Variants in MAP2K1 observed in about 807,000 individuals in gnomAD.
MAP2K1 encodes the protein dual specificity mitogen-activated protein kinase kinase 1.
Under a neutral mutation model 46.3 loss-of-function variants are expected in MAP2K1, and 16 were observed. The observed-to-expected ratio is 0.35, with a 90% CI of 0.23 to 0.52. MAP2K1 has a LOEUF of 0.52. Among genes scored for constraint, MAP2K1 ranks in the 20% least tolerant of loss-of-function variants. MAP2K1 has a pLI of 0.94. For synonymous variants in MAP2K1, 183 were observed against 185.6 expected, an observed-to-expected ratio of 0.99 and a Z score of 0.11; for missense variants, 263 against 497.1, an observed-to-expected ratio of 0.53 and a Z score of 4.48.
intron 3 of MAP2K1, among the ~76,000 whole-genome samples, chr15:66,441,448 A>C (rs1205847604): frequency 6.6e-6 from 1 of 151,794 alleles, no homozygotes; most frequent in East Asian, 2.0e-4. Context: ...AGGCAGGAGA[A>C]TTGCTTGAGC....
At chr15:66,431,001 T>G (rs547368876) in intron 1 of MAP2K1, among the ~76,000 whole-genome samples, 2 of 152,338 alleles carry the variant, frequency 1.3e-5, no homozygotes, top group African/African-American at 4.8e-5. Context: ...GAATTCACAT[T>G]ACAGTGTGTG....
At chr15:66,425,461 T>G (rs748725596) in intron 1 of MAP2K1, among the ~76,000 whole-genome samples, 2 of 152,228 alleles carry the variant, frequency 1.3e-5, no homozygotes, top group Non-Finnish European at 2.9e-5. Context: ...CTTCACTTGC[T>G]GACAGATGTG....
chr15:66,409,554 T>TAGGAAAGATGGCC (rs1436322856), intron 1 of MAP2K1, among the ~76,000 whole-genome samples: 1 of 152,178 alleles, frequency 6.6e-6, no homozygotes, highest in Non-Finnish European at 1.5e-5. Context: ...GGGACTAGGA[T>TAGGAAAGATGGCC]AGGACAGATG....
chr15:66,394,179 T>C (rs1414973969), intron 1 of MAP2K1, among the ~76,000 whole-genome samples: 3 of 152,236 alleles, frequency 2.0e-5, no homozygotes, highest in Non-Finnish European at 4.4e-5. Context: ...CTTTGAAGGC[T>C]ATAAGGTGCC....
At chr15:66,439,293 A>G (rs1027767546) in intron 3 of MAP2K1, among the ~76,000 whole-genome samples, 1 of 152,192 alleles carries the variant, frequency 6.6e-6, no homozygotes, top group South Asian at 2.1e-4. Flanking sequence ...CAGTCTTTGC[A>G]TGAGTTTTGT....
Position 66,461,163 on chromosome 15 carries a change from T to C in MAP2K1, c.568+16456T>C, listed in dbSNP as rs555070348. On this transcript the variant is annotated intron_variant, in intron 5 of 10. Coordinates refer to ENST00000307102, the MANE Select transcript of MAP2K1 (RefSeq NM_002755.4). ...TTATTAACCACTACCCAAAGCAAGA[T>C]GGAACTTAGCTCATGATGCCCAACA... 3.3e-5 allele frequency among the ~76,000 whole-genome samples: 5 copies of C among 152,162 alleles called. No individual in the cohort carries two copies. The East Asian group carries it at 9.7e-4, about 29-fold the overall frequency.
At chr15:66,472,024 C>T (rs895455339) in intron 5 of MAP2K1, among the ~76,000 whole-genome samples, 10 of 134,292 alleles carry the variant, frequency 7.4e-5, no homozygotes, top group Non-Finnish European at 1.5e-4. Flanking sequence ...TTGCAGTGAG[C>T]TGAGATCGCG....
intron 5 of MAP2K1, among the ~76,000 whole-genome samples, chr15:66,479,081 CT>C (rs1892852931): frequency 6.6e-6 from 1 of 151,258 alleles, no homozygotes; most frequent in African/African-American, 2.4e-5. Context: ...TGCTGGATCT[CT>C]TGGGCCTTAG....
rs2140673570 is a variant in MAP2K1, at chr15:66,484,975, C to T, written c.694-15C>T. ...AGTTAGGTTAGGTGATTATCACTGT[C>T]TGTCTCTCCTGCAGCCAGAAAGACT... On this transcript the variant is annotated splice_polypyrimidine_tract_variant and intron_variant, in intron 6 of 10. Coordinates refer to ENST00000307102, the MANE Select transcript of MAP2K1 (RefSeq NM_002755.4). The T allele has an allele frequency of 6.2e-7, 1 of 1,609,686 alleles. No individual in the cohort carries two copies. The highest frequency in any genetic ancestry group is 2.2e-5 in the East Asian group (1 of 44,864).
At chr15:66,453,306 G>A in intron 5 of MAP2K1, 1 of 550,060 alleles carries the variant, frequency 1.8e-6, no homozygotes, top group Non-Finnish European at 3.2e-6. Context: ...TTGGCATGAA[G>A]AGATGCTTTG....
intron 1 of MAP2K1, among the ~76,000 whole-genome samples, chr15:66,389,456 G>C (rs1180664924): frequency 6.6e-6 from 1 of 151,652 alleles, no homozygotes; most frequent in Admixed American, 6.6e-5. Context: ...AGGATGAGAA[G>C]AAACTACCCC....
chr15:66,490,799 C>T lies in MAP2K1; in HGVS notation c.*184C>T. 1 of 681,492 alleles carries T rather than the reference C, an allele frequency of 1.5e-6. No homozygotes were observed. The highest frequency in any genetic ancestry group is 2.7e-6 in the Non-Finnish European group (1 of 371,644). The allele number at this position is 681,492 out of a possible 1,614,324, so 42.2% of individuals were successfully genotyped here. A position where few individuals can be genotyped will look rare whatever the true frequency, so the allele number is the denominator to read the frequency against. ...AATATTACTGTCTTTATTCTTATTACTATTATTGTTCCCCTAAGTGGATTG... is the reference window on the plus strand; with the variant it reads ...AATATTACTGTCTTTATTCTTATTATTATTATTGTTCCCCTAAGTGGATTG... On this transcript the variant is annotated 3_prime_UTR_variant, in exon 11 of 11. Transcript: ENST00000307102.
chr15:66,406,224 A>G (rs2093396242), intron 1 of MAP2K1, among the ~76,000 whole-genome samples: 1 of 152,236 alleles, frequency 6.6e-6, no homozygotes, highest in Non-Finnish European at 1.5e-5. Context: ...AATGCATTTT[A>G]AATTCCTGTC....
rs115363383 is a variant in MAP2K1, at chr15:66,472,736, A to G, written c.569-9019A>G. On this transcript the variant is annotated intron_variant, in intron 5 of 10. Transcript: ENST00000307102. ...TTTCCATTACGGGTTATCCCAAGCT[A>G]GGAATAACTGGTGAGTAGTTTCTTG... Among the ~76,000 whole-genome samples, 484 of 152,366 alleles carry G rather than the reference A, an allele frequency of 3.2e-3. 1 individual carries two copies. The highest frequency in any genetic ancestry group is 0.011 in the African/African-American group (460 of 41,590).
rs139538100 is a variant in MAP2K1, at chr15:66,413,053, G to A, written c.81-21974G>A. On this transcript the variant is annotated intron_variant, in intron 1 of 10. Coordinates refer to ENST00000307102, the MANE Select transcript of MAP2K1 (RefSeq NM_002755.4). ...TGGGACTACAGGTGCTCGCCACCAC[G>A]CCCAGCTAATTTTTGTATTTTTAGT... Among the ~76,000 whole-genome samples, 823 of 152,068 alleles carry A rather than the reference G, an allele frequency of 5.4e-3. 8 individuals carry two copies. The highest frequency in any genetic ancestry group is 0.019 in the African/African-American group (774 of 41,482).
intron 1 of MAP2K1, among the ~76,000 whole-genome samples, chr15:66,423,396 C>T (rs1033413102): frequency 6.6e-6 from 1 of 151,680 alleles, no homozygotes; most frequent in East Asian, 1.9e-4. Context: ...GGTTGTTCCC[C>T]CCCATCCCAC....
intron 5 of MAP2K1, among the ~76,000 whole-genome samples, chr15:66,465,564 T>A (rs1316251739): frequency 6.6e-6 from 1 of 152,138 alleles, no homozygotes; most frequent in Non-Finnish European, 1.5e-5. Flanking sequence ...TAGATTTCAT[T>A]TCCGCCTTTT....
At chr15:66,486,591 T>C (rs1041508306) in intron 7 of MAP2K1, among the ~76,000 whole-genome samples, 1 of 152,194 alleles carries the variant, frequency 6.6e-6, no homozygotes, top group South Asian at 2.1e-4. Flanking sequence ...ATAAACACTG[T>C]GCAGTACCAC....
chr15:66,489,332 A>G, intron 9 of MAP2K1, 56 bp downstream of exon 9: 1 of 1,500,100 alleles, frequency 6.7e-7, no homozygotes, highest in Non-Finnish European at 9.3e-7. Flanking sequence ...CAGGCTCCCC[A>G]CCCCATTTCT....
Sources: allele counts gnomAD v4.1 joint callset (sites outside exome capture counted in the v4.1 genomes callset), GRCh38; gene constraint gnomAD v4.1.1; transcripts MANE v1.5; gene names NCBI Gene and HGNC (gene_info 2026-07-23, HGNC 2026-07-21).